The following THRB variants were observed in gnomAD, a reference collection of about 807,000 sequenced individuals.
The protein encoded by THRB is nuclear receptor subfamily 1 group A member 2.
In THRB, 12 loss-of-function variants were observed where a neutral mutation model predicts 47.8. The ratio of observed to expected loss-of-function variants is 0.25; its 90% CI spans 0.16 to 0.41. THRB has a LOEUF of 0.41. THRB is among the 10% of genes least tolerant of loss of function. The pLI, the probability that THRB is intolerant of heterozygous loss-of-function variation, is 1.00. For synonymous variants in THRB, 218 were observed against 212.2 expected, an observed-to-expected ratio of 1.03 and a Z score of -0.24; for missense variants, 348 against 589.2, an observed-to-expected ratio of 0.59 and a Z score of 4.24.
intron 8 of THRB, among the ~76,000 whole-genome samples, chr3:24,138,540 T>C (rs560518004): frequency 1.3e-5 from 2 of 152,310 alleles, no homozygotes; most frequent in East Asian, 3.9e-4. Flanking sequence ...TGAAATAACT[T>C]GCCCAAAGAA....
intron 4 of THRB, among the ~76,000 whole-genome samples, chr3:24,199,009 C>T (rs1327397649): frequency 6.6e-6 from 1 of 152,160 alleles, no homozygotes; most frequent in Non-Finnish European, 1.5e-5. Context: ...AGTGATAGCT[C>T]AGATTTATGG....
intron 1 of THRB, among the ~76,000 whole-genome samples, chr3:24,454,090 A>G (rs1417564790): frequency 6.6e-6 from 1 of 152,238 alleles, no homozygotes; most frequent in African/African-American, 2.4e-5. Flanking sequence ...AGAAACTTGT[A>G]TCTTGAATAT....
intron 1 of THRB, among the ~76,000 whole-genome samples, chr3:24,423,989 G>C (rs2069516232): frequency 1.3e-5 from 2 of 151,776 alleles, no homozygotes; most frequent in Non-Finnish European, 2.9e-5. Context: ...CTATCTGCTT[G>C]GTTACTGAGA....
intron 4 of THRB, among the ~76,000 whole-genome samples, chr3:24,211,666 G>C (rs1233091887): frequency 6.6e-6 from 1 of 152,196 alleles, no homozygotes; most frequent in East Asian, 1.9e-4. Flanking sequence ...CTTAGAAACT[G>C]AAGATTGTAT....
chr3:24,477,086 GT>G (rs1405138526), intron 1 of THRB, among the ~76,000 whole-genome samples: 1 of 86,106 alleles, frequency 1.2e-5, no homozygotes, highest in African/African-American at 1.7e-4. Flanking sequence ...ATATAAAGGG[GT>G]GTGTGTGTGT....
chr3:24,330,714 C>T (rs1390792120), intron 2 of THRB, among the ~76,000 whole-genome samples: 1 of 152,180 alleles, frequency 6.6e-6, no homozygotes, highest in Non-Finnish European at 1.5e-5. Flanking sequence ...TGGGAAGACA[C>T]CTGGAGTAGC....
intron 6 of THRB, among the ~76,000 whole-genome samples, chr3:24,150,243 G>A (rs115743782): frequency 6.6e-6 from 1 of 152,198 alleles, no homozygotes; most frequent in South Asian, 2.1e-4. Context: ...CAAGTATGGG[G>A]TAGAAATATT....
intron 3 of THRB, among the ~76,000 whole-genome samples, chr3:24,268,974 C>A (rs1449982996): frequency 1.3e-5 from 2 of 152,178 alleles, no homozygotes; most frequent in African/African-American, 4.8e-5. Context: ...TGGGTAGGCA[C>A]CATTAGCCAT....
intron 1 of THRB, among the ~76,000 whole-genome samples, chr3:24,493,463 C>T (rs541022149): frequency 2.0e-5 from 3 of 152,338 alleles, no homozygotes; most frequent in African/African-American, 7.2e-5. Flanking sequence ...TATTAATACA[C>T]TGTGCAAGGA....
Position 24,274,155 on chromosome 3 carries a change from TATTA to T in THRB, c.-43+23067_-43+23070del, listed in dbSNP as rs774903296. On this transcript the variant is annotated intron_variant, in intron 3 of 10. Coordinates refer to ENST00000646209, the MANE Select transcript of THRB (RefSeq NM_001354712.2). ...ACATTCATATTCTAGACATCTGCCC[TATTA>T]TTTATTATACTTCTTTACAATGATC... Among the ~76,000 whole-genome samples the T allele has an allele frequency of 5.5e-4, 84 of 152,310 alleles. 1 individual carries two copies. The highest frequency in any genetic ancestry group is 5.2e-4 in the Admixed American group (8 of 15,286).
chr3:24,247,230 T>G (rs993931416), intron 3 of THRB, among the ~76,000 whole-genome samples: 1 of 152,220 alleles, frequency 6.6e-6, no homozygotes, highest in Non-Finnish European at 1.5e-5. Flanking sequence ...CCATACATCT[T>G]ACACATGTGT....
chr3:24,253,626 A>G (rs763412948), intron 3 of THRB, among the ~76,000 whole-genome samples: 5 of 152,186 alleles, frequency 3.3e-5, no homozygotes, highest in Admixed American at 6.5e-5. Flanking sequence ...GAATTGTCAC[A>G]TGGGGCTGTG....
At chr3:24,160,468 G>T (rs547418060) in intron 5 of THRB, among the ~76,000 whole-genome samples, 1 of 152,118 alleles carries the variant, frequency 6.6e-6, no homozygotes, top group Non-Finnish European at 1.5e-5. Flanking sequence ...AGGTATCTGC[G>T]GATAAGGAAA....
chr3:24,150,732 T>C (rs1462507961), intron 6 of THRB, among the ~76,000 whole-genome samples: 1 of 152,178 alleles, frequency 6.6e-6, no homozygotes, highest in African/African-American at 2.4e-5. Context: ...AAGTATTAAA[T>C]TGAATTCCAT....
chr3:24,356,397 G>C (rs938985488), intron 1 of THRB, among the ~76,000 whole-genome samples: 7 of 152,096 alleles, frequency 4.6e-5, no homozygotes, highest in Non-Finnish European at 1.0e-4. Flanking sequence ...TGTCTTTGCA[G>C]GCTCTTCTCC....
At chr3:24,158,096 A>G (rs796492670) in intron 5 of THRB, among the ~76,000 whole-genome samples, 23 of 152,332 alleles carry the variant, frequency 1.5e-4, no homozygotes, top group African/African-American at 5.5e-4. Flanking sequence ...GAGTGTTTTT[A>G]AAAATCGTAG....
intron 4 of THRB, among the ~76,000 whole-genome samples, chr3:24,195,198 A>G (rs146501372): frequency 6.6e-6 from 1 of 152,300 alleles, no homozygotes; most frequent in East Asian, 1.9e-4. Context: ...CAGGAGAATA[A>G]TGTTTGGTTG....
At chr3:24,464,554 C>T (rs1004253775) in intron 1 of THRB, among the ~76,000 whole-genome samples, 8 of 152,074 alleles carry the variant, frequency 5.3e-5, no homozygotes, top group East Asian at 1.9e-4. Flanking sequence ...ACCTGGATTA[C>T]GGGTTTTATG....
chr3:24,210,660 T>C (rs1308620625), intron 4 of THRB, among the ~76,000 whole-genome samples: 2 of 152,206 alleles, frequency 1.3e-5, no homozygotes, highest in Non-Finnish European at 1.5e-5. Flanking sequence ...GTTCATCCTC[T>C]GACGCTGGGC....
Sources: gnomAD v4.1 joint callset for allele counts (sites outside exome capture counted in the v4.1 genomes callset) on GRCh38, gnomAD v4.1.1 for gene constraint, MANE v1.5 for transcripts, NCBI Gene and HGNC (gene_info 2026-07-23, HGNC 2026-07-21) for gene names.